The following CLSTN2 variants were observed in gnomAD, a reference collection of about 807,000 sequenced individuals.
The protein encoded by CLSTN2 is calsyntenin 2.
Under a neutral mutation model 101.2 loss-of-function variants are expected in CLSTN2, and 48 were observed. The observed-to-expected ratio is 0.47, with a 90% confidence interval of 0.38 to 0.60. The LOEUF (loss-of-function observed/expected upper bound fraction) is 0.60. CLSTN2 is among the 20% of genes least tolerant of loss of function. The pLI, the probability that CLSTN2 is intolerant of heterozygous loss-of-function variation, is 0.00. For synonymous variants in CLSTN2, 481 were observed against 463.6 expected (o/e 1.04, Z -0.48); for missense variants, 1,160 against 1,238.2 (o/e 0.94, Z 0.95).
chr3:140,060,157 A>G (rs1304212201), intron 1 of CLSTN2, among the ~76,000 whole-genome samples: 1 of 152,356 alleles, frequency 6.6e-6, no homozygotes, highest in Non-Finnish European at 1.5e-5. Context: ...CAAGTTTGCC[A>G]TCATTTTCTT....
chr3:140,015,888 A>G (rs1417380972), intron 1 of CLSTN2, among the ~76,000 whole-genome samples: 1 of 152,210 alleles, frequency 6.6e-6, no homozygotes, highest in East Asian at 1.9e-4. Flanking sequence ...ATTGTAATTG[A>G]CTTTCTCTTT....
intron 4 of CLSTN2, among the ~76,000 whole-genome samples, chr3:140,416,996 T>C (rs2088438955): frequency 6.6e-6 from 1 of 152,234 alleles, no homozygotes; most frequent in Admixed American, 6.5e-5. Flanking sequence ...AAGTGTTATA[T>C]GCCTTGTGTG....
chr3:140,345,681 G>A (rs1263051985), intron 2 of CLSTN2, among the ~76,000 whole-genome samples: 1 of 149,476 alleles, frequency 6.7e-6, no homozygotes, highest in Non-Finnish European at 1.5e-5. Context: ...TGTAAAGGCA[G>A]TAGCATGTGT....
intron 2 of CLSTN2, among the ~76,000 whole-genome samples, chr3:140,266,894 T>A (rs1045556454): frequency 7.2e-5 from 11 of 152,214 alleles, no homozygotes; most frequent in African/African-American, 2.7e-4. Flanking sequence ...ATGTGCCAAC[T>A]CTGGTTGTTA....
In CLSTN2 at chr3:140,562,291, C is replaced by T; in HGVS notation, c.2195C>T (p.Ala732Val). The change falls in exon 13 of 17, where the codon GCA becomes GTA. Residue 732 changes from alanine to valine, a missense_variant. Transcript: ENST00000458420. ...CACCTGGATGCCACTAATTCTACTG[C>T]AGGCTACTCCATCTACGGTAAGGCC... ...QRHLDATNST[A>V]GYSIYGVGSM... 1.9e-6 allele frequency: 3 copies of T among 1,613,252 alleles called. No homozygotes were observed. Among genetic ancestry groups the T allele is most frequent in the Non-Finnish European group, 2.5e-6 (3 of 1,179,796 alleles).
chr3:140,049,225 T>A (rs569352667), intron 1 of CLSTN2, among the ~76,000 whole-genome samples: 39 of 152,334 alleles, frequency 2.6e-4, no homozygotes, highest in African/African-American at 8.7e-4. Flanking sequence ...CCCCTTTGGG[T>A]GGCCTCTGAC....
intron 2 of CLSTN2, among the ~76,000 whole-genome samples, chr3:140,374,457 A>G (rs1040419704): frequency 4.6e-5 from 7 of 152,134 alleles, no homozygotes; most frequent in Admixed American, 1.3e-4. Context: ...ATTAATCTCT[A>G]TTCTTTGGGT....
chr3:140,340,861 T>C (rs2087484955), intron 2 of CLSTN2, among the ~76,000 whole-genome samples: 1 of 152,206 alleles, frequency 6.6e-6, no homozygotes, highest in Non-Finnish European at 1.5e-5. Context: ...ATGACTTTGA[T>C]AGTTTTGAAG....
intron 1 of CLSTN2, among the ~76,000 whole-genome samples, chr3:140,067,917 G>C (rs548465829): frequency 1.5e-4 from 23 of 152,296 alleles, no homozygotes; most frequent in African/African-American, 5.5e-4. Context: ...AAAGGAAAAT[G>C]CTGCCTCTTG....
chr3:140,371,758 C>T (rs373691535), intron 2 of CLSTN2, among the ~76,000 whole-genome samples: 1 of 152,196 alleles, frequency 6.6e-6, no homozygotes, highest in Non-Finnish European at 1.5e-5. Flanking sequence ...AGTTATGGTC[C>T]AATAGCAGGC....
In CLSTN2 at chr3:140,561,018, C is replaced by G. The variant is rs187559399; in HGVS notation, c.2042-1120C>G. On this transcript the variant is annotated intron_variant, in intron 12 of 16. Transcript: ENST00000458420. ...ATATATAATATATACCTAGTGAGAG[C>G]AAATATATTTTTGATATCATTTAAA... Among the ~76,000 whole-genome samples the G allele has an allele frequency of 2.0e-5, 3 of 151,430 alleles. No homozygotes were observed. In the East Asian group the frequency reaches 5.8e-4, roughly 29 times the overall value.
At chr3:140,319,137 T>A (rs1344878307) in intron 2 of CLSTN2, among the ~76,000 whole-genome samples, 3 of 152,178 alleles carry the variant, frequency 2.0e-5, no homozygotes, top group Non-Finnish European at 4.4e-5. Flanking sequence ...TAGTCCTAGA[T>A]CGATTAGGAT....
intron 1 of CLSTN2, among the ~76,000 whole-genome samples, chr3:140,066,827 A>G (rs1431398559): frequency 6.6e-6 from 1 of 152,246 alleles, no homozygotes. Flanking sequence ...TATGGCAAAG[A>G]GGTAGCTGTG....
chr3:140,522,255 A>G (rs571450603), intron 8 of CLSTN2, among the ~76,000 whole-genome samples: 26 of 152,294 alleles, frequency 1.7e-4, no homozygotes, highest in African/African-American at 6.0e-4. Context: ...TTTCAGTTGA[A>G]GGTGCTGAAT....
chr3:140,270,773 G>C (rs2086735775), intron 2 of CLSTN2, among the ~76,000 whole-genome samples: 1 of 152,134 alleles, frequency 6.6e-6, no homozygotes, highest in Admixed American at 6.5e-5. Flanking sequence ...CAGAAGTATT[G>C]GAGCTTTATT....
intron 1 of CLSTN2, among the ~76,000 whole-genome samples, chr3:140,095,358 C>A (rs377422392): frequency 3.9e-5 from 6 of 152,158 alleles, no homozygotes; most frequent in African/African-American, 1.4e-4. Context: ...TCCTTTATTT[C>A]GATACTCCAG....
In CLSTN2 at chr3:140,243,055, A is replaced by T. The variant is rs1323435904; in HGVS notation, c.232+66982A>T. Among the ~76,000 whole-genome samples, 4 of 152,236 alleles carry T rather than the reference A, an allele frequency of 2.6e-5. No homozygotes were observed. In the East Asian group the frequency reaches 7.7e-4, roughly 29 times the overall value. On this transcript the variant is annotated intron_variant, in intron 2 of 16. Coordinates refer to ENST00000458420, the MANE Select transcript of CLSTN2 (RefSeq NM_022131.3). ...CCCATAGCACATTTCTTCTTTCCTA[A>T]ACCTTGGAAGCATATGATTACTAAT...
At position 140,071,692 on chromosome 3, in the gene CLSTN2, G is replaced by T. The variant is rs111738674; in HGVS notation, c.110-104259G>T. 1.6e-3 allele frequency among the ~76,000 whole-genome samples: 239 copies of T among 152,134 alleles called. 1 individual carries two copies. The highest frequency in any genetic ancestry group is 5.4e-3 in the African/African-American group (224 of 41,522). ...TAAAAATACAAAAAATTAGCCGGGC[G>T]TGGTGGCGGGCGCCTGTAGTCCCAG... is the stretch of plus-strand genomic sequence containing the variant. On this transcript the variant is annotated intron_variant, in intron 1 of 16. Transcript: ENST00000458420.
chr3:140,479,796 A>C (rs1432691610), intron 8 of CLSTN2, among the ~76,000 whole-genome samples: 2 of 152,180 alleles, frequency 1.3e-5, no homozygotes, highest in African/African-American at 4.8e-5. Context: ...TAAATAATTA[A>C]TTGAAGAAGT....
Sources: gnomAD v4.1 joint callset for allele counts (sites outside exome capture counted in the v4.1 genomes callset) on GRCh38, gnomAD v4.1.1 for gene constraint, MANE v1.5 for transcripts, NCBI Gene and HGNC (gene_info 2026-07-23, HGNC 2026-07-21) for gene names.